Variants in RASSF3 observed in about 807,000 individuals in gnomAD.
RASSF3 encodes the protein Ras association domain family member 3.
In RASSF3, 19 loss-of-function variants were observed where a neutral mutation model predicts 19.9. That is an observed-to-expected ratio of 0.96 (90% CI 0.67 to 1.40). The LOEUF (loss-of-function observed/expected upper bound fraction) is 1.40. Among genes scored for constraint, RASSF3 ranks in the 40% most tolerant of loss-of-function variants. The probability of loss-of-function intolerance (pLI) is 0.00; values close to 1 mark genes in which losing one functional copy is unlikely to be tolerated. For missense variants in RASSF3, 306 were observed against 289.8 expected (o/e 1.06, Z -0.41); for synonymous variants, 110 against 104.2 (o/e 1.06, Z -0.34).
chr12:64,521,216 T>C (rs1019232457), intron 1 of RASSF3, among the ~76,000 whole-genome samples: 1 of 152,154 alleles, frequency 6.6e-6, no homozygotes, highest in Non-Finnish European at 1.5e-5. Context: ...CCCTTCCCTG[T>C]AGTGATGTCC....
intron 1 of RASSF3, among the ~76,000 whole-genome samples, chr12:64,675,735 G>A (rs2136211212): frequency 6.6e-6 from 1 of 152,212 alleles, no homozygotes; most frequent in Non-Finnish European, 1.5e-5. Flanking sequence ...AGGATTAGGG[G>A]ATGGGGAGAG....
intron 2 of RASSF3, among the ~76,000 whole-genome samples, chr12:64,578,321 C>A (rs1034359561): frequency 6.6e-6 from 1 of 152,022 alleles, no homozygotes; most frequent in African/African-American, 2.4e-5. Flanking sequence ...TTAATTCCAA[C>A]GACATCCCCA....
Position 64,588,514 on chromosome 12 carries a change from A to T in RASSF3, c.294+46809A>T, listed in dbSNP as rs1354794696. ...ATATAGCAAGACTTTGTTCTGCACA[A>T]AAAGGAAAAAAAAAGATATCTTTTT... is the stretch of plus-strand genomic sequence containing the variant. On this transcript the variant is annotated intron_variant, in intron 2 of 5. Transcript: ENST00000637125. Among the ~76,000 whole-genome samples the T allele has an allele frequency of 3.9e-5, 6 of 152,058 alleles. No individual in the cohort carries two copies. The East Asian group carries it at 1.2e-3, about 29-fold the overall frequency.
downstream of RASSF3, among the ~76,000 whole-genome samples, chr12:64,542,294 C>T (rs996442020): frequency 1.3e-5 from 2 of 152,144 alleles, no homozygotes; most frequent in African/African-American, 2.4e-5. Context: ...TGCCACTGTA[C>T]TCCATCCAGC....
At chr12:64,532,136 A>C (rs912240263), upstream of RASSF3, among the ~76,000 whole-genome samples, 5 of 152,234 alleles carry the variant, frequency 3.3e-5, no homozygotes, top group African/African-American at 1.2e-4. Flanking sequence ...GCTTCGAAAG[A>C]GCTTGAGCAC....
At chr12:64,572,267 C>T (rs1869531137) in intron 2 of RASSF3, among the ~76,000 whole-genome samples, 1 of 151,730 alleles carries the variant, frequency 6.6e-6, no homozygotes, top group South Asian at 2.1e-4. Flanking sequence ...TTAGATGAGC[C>T]CATGAGGCTG....
upstream of RASSF3, among the ~76,000 whole-genome samples, chr12:64,530,211 T>C (rs1299534791): frequency 6.6e-6 from 1 of 152,230 alleles, no homozygotes; most frequent in Non-Finnish European, 1.5e-5. Flanking sequence ...ATATATATTC[T>C]TTTTTGTCTG....
intron 2 of RASSF3, among the ~76,000 whole-genome samples, chr12:64,566,785 T>A (rs1459191998): frequency 6.6e-6 from 1 of 152,104 alleles, no homozygotes; most frequent in African/African-American, 2.4e-5. Flanking sequence ...TTCCTCACCA[T>A]TCTACACAAA....
upstream of RASSF3, among the ~76,000 whole-genome samples, chr12:64,530,397 C>G (rs902178852): frequency 6.6e-6 from 1 of 151,942 alleles, no homozygotes; most frequent in Non-Finnish European, 1.5e-5. Flanking sequence ...CCCGCCTCAG[C>G]CTCCCAAAGT....
rs182924699 is a variant in RASSF3, at chr12:64,667,837, A to T, written c.112-16950A>T. On this transcript the variant is annotated intron_variant, in intron 1 of 4. Transcript: ENST00000542104. The stretch of plus-strand genomic sequence containing the variant: ...GAATGTTGCCCTCAAAAGAGGACAG[A>T]GGGCAGGACTGGCTATGCATGCATG... Among the ~76,000 whole-genome samples the T allele has an allele frequency of 2.6e-5, 4 of 152,346 alleles. No individual in the cohort carries two copies. In the East Asian group the frequency reaches 7.7e-4, roughly 29 times the overall value.
At chr12:64,573,575 C>T (rs1592404943) in intron 2 of RASSF3, among the ~76,000 whole-genome samples, 1 of 152,040 alleles carries the variant, frequency 6.6e-6, no homozygotes, top group East Asian at 1.9e-4. Context: ...ATTTAATGCC[C>T]CAGGCTTGAC....
At chr12:64,544,811 C>T (rs1270950247), downstream of RASSF3, among the ~76,000 whole-genome samples, 4 of 152,152 alleles carry the variant, frequency 2.6e-5, no homozygotes, top group Non-Finnish European at 5.9e-5. Context: ...TCTTCACTGC[C>T]CTCTGACCAA....
At chr12:64,651,191 CTT>C (rs1316172028) in intron 1 of RASSF3, among the ~76,000 whole-genome samples, 1 of 151,882 alleles carries the variant, frequency 6.6e-6, no homozygotes, top group Non-Finnish European at 1.5e-5. Context: ...CGTGTCCCCT[CTT>C]TTAAAAAAAA....
At chr12:64,610,320 G>GCGGGC (rs1870292406), upstream of RASSF3, among the ~76,000 whole-genome samples, 3 of 151,020 alleles carry the variant, frequency 2.0e-5, no homozygotes, top group Non-Finnish European at 4.4e-5. Flanking sequence ...CCTGGAAGGG[G>GCGGGC]CGGGCCGGGC....
intron 2 of RASSF3, among the ~76,000 whole-genome samples, chr12:64,588,266 T>G (rs948182595): frequency 6.6e-6 from 1 of 152,214 alleles, no homozygotes; most frequent in Non-Finnish European, 1.5e-5. Flanking sequence ...ATTCTTGAAT[T>G]GTCTAGTCAA....
chr12:64,692,916 T>C lies in RASSF3; in HGVS notation c.567+1337T>C, dbSNP rs927675413. Among the ~76,000 whole-genome samples, 14 of 152,144 alleles carry C rather than the reference T, an allele frequency of 9.2e-5. 1 individual carries two copies. Among genetic ancestry groups the C allele is most frequent in the African/African-American group, 3.4e-4 (14 of 41,432 alleles). On this transcript the variant is annotated intron_variant, in intron 4 of 4. Coordinates refer to ENST00000542104, the MANE Select transcript of RASSF3 (RefSeq NM_178169.4). ...AAATTGACTTGACATTGGGTTTTATTGTTCCAGACTGCTGTACTGGACCTC... is the reference window on the plus strand; with the variant it reads ...AAATTGACTTGACATTGGGTTTTATCGTTCCAGACTGCTGTACTGGACCTC...
At chr12:64,631,152 A>G (rs1871154295) in intron 1 of RASSF3, among the ~76,000 whole-genome samples, 1 of 152,164 alleles carries the variant, frequency 6.6e-6, no homozygotes, top group African/African-American at 2.4e-5. Context: ...GCAGGTAAGA[A>G]GTGGGCAGAG....
intron 2 of RASSF3, among the ~76,000 whole-genome samples, chr12:64,575,895 T>C (rs1869587168): frequency 1.3e-5 from 2 of 151,764 alleles, no homozygotes; most frequent in Admixed American, 6.6e-5. Flanking sequence ...TTTTTTTTTT[T>C]TTTTTCTTTT....
At chr12:64,649,440 C>T (rs550036296) in intron 1 of RASSF3, among the ~76,000 whole-genome samples, 1 of 152,264 alleles carries the variant, frequency 6.6e-6, no homozygotes, top group East Asian at 1.9e-4. Flanking sequence ...GATCCGTCTG[C>T]CTTGGCCTCC....
Sources: gnomAD v4.1 joint callset for allele counts (sites outside exome capture counted in the v4.1 genomes callset) on GRCh38, gnomAD v4.1.1 for gene constraint, MANE v1.5 for transcripts, NCBI Gene and HGNC (gene_info 2026-07-23, HGNC 2026-07-21) for gene names.